CCDC148: variants seen among roughly 807,000 people sequenced by gnomAD.
The protein encoded by CCDC148 is coiled-coil domain-containing protein 148.
In CCDC148, 89 loss-of-function variants were observed where a neutral mutation model predicts 85.7. The ratio of observed to expected loss-of-function variants is 1.04; its 90% CI spans 0.87 to 1.24. The LOEUF is 1.24. Ranked by LOEUF, CCDC148 falls within the 50% of genes most tolerant of loss-of-function variation. The pLI is 0.00. For missense variants in CCDC148, 692 were observed against 671.7 expected (o/e 1.03, Z -0.33); for synonymous variants, 230 against 213.9 (o/e 1.08, Z -0.66).
intron 5 of CCDC148, 66 bp from the exon 6 acceptor site, chr2:158,339,151 A>T: frequency 8.4e-7 from 1 of 1,185,808 alleles, no homozygotes. Flanking sequence ...ATATTTAAAG[A>T]CACAATAATT....
intron 1 of CCDC148, among the ~76,000 whole-genome samples, chr2:158,426,486 T>G (rs925411795): frequency 2.0e-5 from 3 of 152,188 alleles, no homozygotes; most frequent in African/African-American, 7.2e-5. Context: ...GATATGTTAA[T>G]GTTGATCCAA....
chr2:158,296,884 A>G (rs1425312084), intron 9 of CCDC148, among the ~76,000 whole-genome samples: 5 of 152,222 alleles, frequency 3.3e-5, no homozygotes, highest in African/African-American at 1.2e-4. Flanking sequence ...ATATAGCTGT[A>G]TAGACGAAAT....
chr2:158,443,350 C>G (rs1688017110), intron 1 of CCDC148, among the ~76,000 whole-genome samples: 1 of 151,190 alleles, frequency 6.6e-6, no homozygotes, highest in Non-Finnish European at 1.5e-5. Flanking sequence ...ATAATGATAA[C>G]AAAAATGATC....
intron 7 of CCDC148, among the ~76,000 whole-genome samples, chr2:158,332,219 C>T (rs1227656415): frequency 6.6e-6 from 1 of 152,010 alleles, no homozygotes; most frequent in Non-Finnish European, 1.5e-5. Context: ...CAAAATCTCT[C>T]AGCATTTGTT....
intron 1 of CCDC148, among the ~76,000 whole-genome samples, chr2:158,423,416 A>G (rs538323926): frequency 1.2e-3 from 188 of 152,282 alleles, no homozygotes; most frequent in African/African-American, 4.3e-3. Context: ...AATACCACAC[A>G]TCTACAACCA....
At position 158,436,117 on chromosome 2, in the gene CCDC148, C is replaced by A. The variant is rs1401256153; in HGVS notation, c.25+20298G>T. ...CCCAGGAATTGAACTCAACTCTGCA[C>A]CAGGCAGACATAATAGACATCCACA... On this transcript the variant is annotated intron_variant, in intron 1 of 13. Transcript: ENST00000283233. Among the ~76,000 whole-genome samples the A allele has an allele frequency of 2.6e-5, 4 of 152,288 alleles. No individual in the cohort carries two copies. The East Asian group carries it at 7.7e-4, about 29-fold the overall frequency.
At chr2:158,350,742 T>C (rs1027574925) in intron 2 of CCDC148, among the ~76,000 whole-genome samples, 5 of 152,206 alleles carry the variant, frequency 3.3e-5, no homozygotes, top group African/African-American at 4.8e-5. Flanking sequence ...TTAATTCTTT[T>C]GTATTATATT....
At chr2:158,215,088 T>TAA (rs1206213056) in intron 11 of CCDC148, among the ~76,000 whole-genome samples, 2 of 152,288 alleles carry the variant, frequency 1.3e-5, no homozygotes, top group Admixed American at 1.3e-4. Context: ...GATCAGTTTT[T>TAA]AATCTAATCA....
In CCDC148 at chr2:158,240,452, T is replaced by TCTCTCACACACA. The variant is rs941238898; in HGVS notation, c.1251+10319_1251+10320insTGTGTGTGAGAG. Among the ~76,000 whole-genome samples the TCTCTCACACACA allele has an allele frequency of 3.1e-3, 368 of 120,534 alleles. 2 individuals carry two copies. The highest frequency in any genetic ancestry group is 1.0e-2 in the South Asian group (31 of 3,102). The allele number at this position is 120,534 out of a possible 152,430, so 79.1% of individuals were successfully genotyped here. A position where few individuals can be genotyped will look rare whatever the true frequency, so the allele number is the denominator to read the frequency against. ...CTCTCTCTTTCTCTCTCTCTCTCTC[T>TCTCTCACACACA]CACACACACACACACACACACACAC... On this transcript the variant is annotated intron_variant, in intron 10 of 13. Coordinates refer to ENST00000283233, the MANE Select transcript of CCDC148 (RefSeq NM_138803.4).
At chr2:158,173,645 T>A (rs544469139) in intron 13 of CCDC148, among the ~76,000 whole-genome samples, 2 of 152,094 alleles carry the variant, frequency 1.3e-5, no homozygotes, top group Admixed American at 6.6e-5. Context: ...TGGCAGTTGA[T>A]CAGATACAGG....
At chr2:158,223,296 G>C (rs558741744) in intron 10 of CCDC148, among the ~76,000 whole-genome samples, 47 of 152,310 alleles carry the variant, frequency 3.1e-4, no homozygotes, top group African/African-American at 1.1e-3. Context: ...GCTGAGGCTT[G>C]AGTAGGTAAA....
rs566817295 is a variant in CCDC148, at chr2:158,295,491, C to A, written c.1110+13942G>T. 6.0e-5 allele frequency among the ~76,000 whole-genome samples: 9 copies of A among 151,000 alleles called. No homozygotes were observed. The South Asian group carries it at 6.4e-4, about 11-fold the overall frequency. ...AAATCCTCAATAAAATACTGGCAAA[C>A]TGAATCCAGCAGCACATCAAAAAGC... On this transcript the variant is annotated intron_variant, in intron 9 of 13. Transcript: ENST00000283233.
intron 7 of CCDC148, among the ~76,000 whole-genome samples, chr2:158,315,386 T>C (rs1692229300): frequency 6.6e-6 from 1 of 152,212 alleles, no homozygotes; most frequent in African/African-American, 2.4e-5. Flanking sequence ...GTTAGCCACA[T>C]AAATTCTGCA....
chr2:158,292,118 C>T (rs140459002), intron 9 of CCDC148, among the ~76,000 whole-genome samples: 231 of 152,024 alleles, frequency 1.5e-3, no homozygotes, highest in African/African-American at 5.4e-3. Flanking sequence ...CTTTGCTAGT[C>T]TGCCTCTCTC....
At chr2:158,177,954 T>A (rs1478017470) in intron 12 of CCDC148, 2 of 152,166 alleles carry the variant, frequency 1.3e-5, no homozygotes, top group Non-Finnish European at 2.9e-5. Context: ...GAAATTGAAG[T>A]AATACCTAAC....
intron 9 of CCDC148, among the ~76,000 whole-genome samples, chr2:158,284,151 G>A (rs1254480632): frequency 2.0e-5 from 3 of 150,334 alleles, no homozygotes; most frequent in East Asian, 2.0e-4. Flanking sequence ...GGGAGGGATA[G>A]CATTGGGAGA....
At chr2:158,366,085 G>C (rs1160329829) in intron 1 of CCDC148, 2 of 1,493,178 alleles carry the variant, frequency 1.3e-6, no homozygotes. Flanking sequence ...ATCTGTTAAG[G>C]AAACGAGAGA....
At chr2:158,410,987 A>T (rs1686233184) in intron 1 of CCDC148, among the ~76,000 whole-genome samples, 1 of 151,844 alleles carries the variant, frequency 6.6e-6, no homozygotes, top group African/African-American at 2.4e-5. Flanking sequence ...TTGGTTTGCA[A>T]TTTTTTTTCT....
chr2:158,280,296 T>A (rs892457192), intron 9 of CCDC148, among the ~76,000 whole-genome samples: 1 of 152,154 alleles, frequency 6.6e-6, no homozygotes, highest in Non-Finnish European at 1.5e-5. Flanking sequence ...TAAATGTAAA[T>A]GGACTAAATG....
Sources: gnomAD v4.1 joint callset for allele counts (sites outside exome capture counted in the v4.1 genomes callset) on GRCh38, gnomAD v4.1.1 for gene constraint, MANE v1.5 for transcripts, NCBI Gene and HGNC (gene_info 2026-07-23, HGNC 2026-07-21) for gene names.